ZC3H4: variants seen among roughly 807,000 people sequenced by gnomAD.
The protein encoded by ZC3H4 is zinc finger CCCH-type containing 4, also known as zinc finger CCCH domain-containing protein 4.
Under a neutral mutation model 108.3 loss-of-function variants are expected in ZC3H4, and 13 were observed. The observed-to-expected ratio is 0.12, with a 90% CI of 0.08 to 0.19. The LOEUF is 0.19. ZC3H4 is among the 10% of genes least tolerant of loss of function. The pLI is 1.00. For missense variants in ZC3H4, 1,734 were observed against 1,838.8 expected, an observed-to-expected ratio of 0.94 and a Z score of 1.04; for synonymous variants, 917 against 749.6, an observed-to-expected ratio of 1.22 and a Z score of -3.65.
chr19:47,087,356 C>A (rs1030182599), intron 5 of ZC3H4, among the ~76,000 whole-genome samples: 10 of 151,246 alleles, frequency 6.6e-5, no homozygotes, highest in African/African-American at 2.4e-4. Context: ...TTTGATTACA[C>A]GTTGAAGTAA....
intron 2 of ZC3H4, among the ~76,000 whole-genome samples, chr19:47,098,385 G>A (rs1442662476): frequency 2.6e-5 from 4 of 151,608 alleles, no homozygotes; most frequent in Admixed American, 1.3e-4. Flanking sequence ...AGCTACTCAG[G>A]AGGCTGAGGC....
chr19:47,086,526 C>T lies in ZC3H4; in HGVS notation c.728G>A (p.Arg243Gln), dbSNP rs555518511. ...GSSRGRGSRG[R>Q]GRGYRGRGSR... ...TCCTCGGCCCCTGTAGCCCCGGCCC[C>T]GGCCTCGGCTGCCTGCATGGAGATT... The change falls in exon 6 of 15, where the codon CGG becomes CAG. Residue 243 changes from arginine to glutamine, a missense_variant. Arg to Gln is a conservative substitution (Grantham distance 43, BLOSUM62 1). Around this residue, in one of 9 missense-constraint regions of ZC3H4, gnomAD observed 403 missense variants for 457.0 expected, o/e 0.88. Coordinates refer to ENST00000253048, the MANE Select transcript of ZC3H4 (RefSeq NM_015168.2). 27 of 1,590,798 alleles carry T rather than the reference C, an allele frequency of 1.7e-5. No individual in the cohort carries two copies. Among genetic ancestry groups the T allele is most frequent in the South Asian group, 1.0e-4 (9 of 89,506 alleles).
At position 47,103,966 on chromosome 19, in the gene ZC3H4, TAAAC is replaced by T. The variant is rs551500912; in HGVS notation, c.161+8454_161+8457del. ...CTTAAAAAATATGTAAAAATAAAAA[TAAAC>T]AAATAAATAAGAGATCTGGGCCTAA... is the stretch of plus-strand genomic sequence containing the variant. On this transcript the variant is annotated intron_variant, in intron 2 of 14. Transcript: ENST00000253048. Among the ~76,000 whole-genome samples the T allele has an allele frequency of 3.2e-4, 49 of 151,266 alleles. No individual in the cohort carries two copies. The East Asian group carries it at 5.1e-3, about 16-fold the overall frequency.
In ZC3H4 at chr19:47,067,642, C is replaced by T. The variant is rs749681343; in HGVS notation, c.2626G>A (p.Ala876Thr). 2.5e-6 allele frequency: 4 copies of T among 1,604,832 alleles called. No individual in the cohort carries two copies. Among genetic ancestry groups the T allele is most frequent in the Non-Finnish European group, 2.5e-6 (3 of 1,177,574 alleles). Residue 876 changes from alanine to threonine, a missense_variant, in exon 15 of 15, where the codon GCT becomes ACT. By Grantham distance (58) the Ala-to-Thr change is moderately conservative (BLOSUM62 0). Coordinates refer to ENST00000253048, the MANE Select transcript of ZC3H4 (RefSeq NM_015168.2). The surrounding 1 kb of genome is among the most constrained non-coding windows in gnomAD (Gnocchi z 6.4). ...RDPRLTRHVEASGGSGPGDSG... is the reference protein window; with the variant it reads ...RDPRLTRHVETSGGSGPGDSG... ...TCACCTGGGCCAGACCCGCCAGAAG[C>T]CTCCACATGGCGGGTGAGTCTGGGG... is the stretch of plus-strand genomic sequence containing the variant.
intron 2 of ZC3H4, among the ~76,000 whole-genome samples, chr19:47,111,368 C>T (rs1200543022): frequency 1.3e-5 from 2 of 152,306 alleles, no homozygotes; most frequent in Non-Finnish European, 2.9e-5. Flanking sequence ...GCCCGCGTTT[C>T]GGACTTAATA....
At chr19:47,095,663 T>C (rs2057808622) in intron 2 of ZC3H4, among the ~76,000 whole-genome samples, 1 of 151,970 alleles carries the variant, frequency 6.6e-6, no homozygotes, top group African/African-American at 2.4e-5. Flanking sequence ...GAGGAAGAAA[T>C]TGGGTTCAGG....
chr19:47,112,970 C>T (rs1411083447), intron 1 of ZC3H4, among the ~76,000 whole-genome samples: 1 of 149,752 alleles, frequency 6.7e-6, no homozygotes. Context: ...GGAGAGCGAG[C>T]GAGGGGGGTG....
intron 11 of ZC3H4, among the ~76,000 whole-genome samples, chr19:47,073,572 A>AAAAAAC (rs2057366215): frequency 6.6e-6 from 1 of 150,818 alleles, no homozygotes. Context: ...ACTCCATCTC[A>AAAAAAC]AAAAACAAAA....
intron 11 of ZC3H4, among the ~76,000 whole-genome samples, chr19:47,075,621 T>TAC (rs978577989): frequency 2.0e-5 from 3 of 151,108 alleles, no homozygotes; most frequent in Admixed American, 6.6e-5. Flanking sequence ...CACACACACA[T>TAC]ACACACACAC....
chr19:47,086,670 C>A, intron 5 of ZC3H4, 132 bp from the exon 6 acceptor site: 1 of 1,422,588 alleles, frequency 7.0e-7, no homozygotes, highest in Non-Finnish European at 9.1e-7. Flanking sequence ...TCCTCCTCCT[C>A]CAAGAAGCCT....
Position 47,068,317 on chromosome 19 carries a change from T to C in ZC3H4, c.2399-448A>G, listed in dbSNP as rs535957357. On this transcript the variant is annotated intron_variant, in intron 14 of 14. Coordinates refer to ENST00000253048, the MANE Select transcript of ZC3H4 (RefSeq NM_015168.2). ...TGGCAAGTCCAGCTGTGGGCACCTC[T>C]TTCTGGAGGTCCTGGTAGCAGACAC... Among the ~76,000 whole-genome samples the C allele has an allele frequency of 2.8e-4, 43 of 152,344 alleles. No homozygotes were observed. The South Asian group carries it at 7.0e-3, about 25-fold the overall frequency.
In ZC3H4 at chr19:47,094,506, C is replaced by T; in HGVS notation, c.264G>A (p.Glu88=). ...CCTCATCCGAATCACTGTGATGCTTCTCCCCCTTTTCTTTCCGGCTTCTCT... is the reference window on the plus strand; with the variant it reads ...CCTCATCCGAATCACTGTGATGCTTTTCCCCCTTTTCTTTCCGGCTTCTCT... ...GPERSRKEKG[E]KHHSDSDEEK... The change falls in exon 3 of 15, where the codon GAG becomes GAA. Residue 88 remains glutamate (E), a synonymous_variant. Transcript: ENST00000253048. 1 of 1,614,230 alleles carries T rather than the reference C, an allele frequency of 6.2e-7. No individual in the cohort carries two copies. Among genetic ancestry groups the T allele is most frequent in the Non-Finnish European group, 8.5e-7 (1 of 1,180,044 alleles).
chr19:47,109,469 C>G (rs1391587801), intron 2 of ZC3H4, among the ~76,000 whole-genome samples: 1 of 152,180 alleles, frequency 6.6e-6, no homozygotes, highest in Non-Finnish European at 1.5e-5. Flanking sequence ...CTGTTCTCAG[C>G]TCCTGGAGAA....
At chr19:47,081,371 G>A (rs2057519065) in intron 11 of ZC3H4, 142 bp downstream of exon 11, 25 of 668,118 alleles carry the variant, frequency 3.7e-5, no homozygotes, top group Middle Eastern at 8.1e-4. Context: ...CACAGTGCCC[G>A]TGTCCTCCTT....
chr19:47,075,698 G>A (rs776282443), intron 11 of ZC3H4, among the ~76,000 whole-genome samples: 1 of 152,060 alleles, frequency 6.6e-6, no homozygotes, highest in African/African-American at 2.4e-5. Flanking sequence ...AGCACCCCCA[G>A]TGCCTGGCAC....
chr19:47,070,072 G>A (rs563385106), intron 13 of ZC3H4, among the ~76,000 whole-genome samples: 7 of 151,544 alleles, frequency 4.6e-5, no homozygotes, highest in African/African-American at 1.5e-4. Flanking sequence ...GCTCGGCGAC[G>A]CCTCCTGCAT....
At chr19:47,110,772 G>C (rs982223233) in intron 2 of ZC3H4, 20 of 462,344 alleles carry the variant, frequency 4.3e-5, no homozygotes, top group Admixed American at 6.4e-5. Context: ...AGGGCTTAGC[G>C]AACAGACCTT....
At chr19:47,083,144 A>C (rs1013508955) in intron 9 of ZC3H4, among the ~76,000 whole-genome samples, 1 of 151,786 alleles carries the variant, frequency 6.6e-6, no homozygotes, top group Admixed American at 6.6e-5. Context: ...ACCCAGGTTC[A>C]AGCGATTCTC....
intron 4 of ZC3H4, among the ~76,000 whole-genome samples, chr19:47,090,746 A>AC (rs1251029618): frequency 6.6e-5 from 10 of 152,250 alleles, no homozygotes; most frequent in Admixed American, 3.9e-4. Flanking sequence ...TGGAGTAACG[A>AC]CGAATATGTA....
Sources: allele counts gnomAD v4.1 joint callset (sites outside exome capture counted in the v4.1 genomes callset), GRCh38; gene constraint gnomAD v4.1.1; regional missense constraint gnomAD v4.1.1; non-coding constraint Gnocchi (gnomAD v3.1); transcripts MANE v1.5; gene names NCBI Gene and HGNC (gene_info 2026-07-23, HGNC 2026-07-21).